DNAH14: variants seen among roughly 807,000 people sequenced by gnomAD.
DNAH14 encodes the protein dynein axonemal heavy chain 14.
A neutral mutation model predicts 520.9 loss-of-function variants in DNAH14; 478 were observed. The observed-to-expected ratio is 0.92, with a 90% confidence interval of 0.85 to 0.99. The LOEUF is 0.99. Among genes scored for constraint, DNAH14 ranks in the 50% least tolerant of loss-of-function variants. The probability of loss-of-function intolerance (pLI) is 0.00; values close to 1 mark genes in which losing one functional copy is unlikely to be tolerated. For synonymous variants in DNAH14, 1,581 were observed against 1,757.2 expected, an observed-to-expected ratio of 0.90 and a Z score of 2.51; for missense variants, 4,831 against 5,234.5, an observed-to-expected ratio of 0.92 and a Z score of 2.38.
intron 60 of DNAH14, among the ~76,000 whole-genome samples, chr1:225,309,796 G>A (rs1195395231): frequency 6.6e-6 from 1 of 152,158 alleles, no homozygotes; most frequent in Non-Finnish European, 1.5e-5. Flanking sequence ...AGGAGGCTGA[G>A]GCAGGACAAT....
At chr1:225,230,099 C>T (rs1268462212) in intron 41 of DNAH14, among the ~76,000 whole-genome samples, 2 of 151,808 alleles carry the variant, frequency 1.3e-5, no homozygotes, top group Non-Finnish European at 2.9e-5. Flanking sequence ...ATCCTTTATT[C>T]TAGGAATTTA....
At chr1:224,974,970 T>C (rs906715690) in intron 8 of DNAH14, among the ~76,000 whole-genome samples, 3 of 152,118 alleles carry the variant, frequency 2.0e-5, no homozygotes, top group African/African-American at 7.2e-5. Context: ...CTTTTCTGCA[T>C]CTATTGAGAT....
intron 81 of DNAH14, among the ~76,000 whole-genome samples, chr1:225,383,955 T>A (rs2095808765): frequency 6.6e-6 from 1 of 152,214 alleles, no homozygotes; most frequent in Non-Finnish European, 1.5e-5. Flanking sequence ...TTTCATTGGT[T>A]TCAAAGAACA....
At chr1:225,139,813 A>G (rs572875084) in intron 27 of DNAH14, among the ~76,000 whole-genome samples, 171 of 152,306 alleles carry the variant, frequency 1.1e-3, no homozygotes, top group African/African-American at 4.0e-3. Context: ...GCATCTGACC[A>G]GACTCTGCCG....
chr1:225,024,289 A>T, intron 11 of DNAH14: 1 of 982,254 alleles, frequency 1.0e-6, no homozygotes. Flanking sequence ...ACAAAGTCCA[A>T]TTGGAATTTG....
chr1:225,139,198 G>A (rs1251433337), intron 27 of DNAH14, among the ~76,000 whole-genome samples: 1 of 152,096 alleles, frequency 6.6e-6, no homozygotes, highest in East Asian at 1.9e-4. Context: ...TACCCAAACT[G>A]TTCTTTACAA....
chr1:225,370,593 C>T (rs547903967), intron 77 of DNAH14, among the ~76,000 whole-genome samples: 1 of 152,016 alleles, frequency 6.6e-6, no homozygotes, highest in African/African-American at 2.4e-5. Context: ...CCAAAAATTA[C>T]AAGACAGAAC....
intron 12 of DNAH14, 54 bp downstream of exon 12, chr1:225,038,877 C>T (rs971764164): frequency 7.2e-7 from 1 of 1,381,674 alleles, no homozygotes; most frequent in Non-Finnish European, 9.5e-7. Context: ...AAAATGAATA[C>T]ATTTTAAAAT....
chr1:225,211,578 C>T (rs189858764), intron 41 of DNAH14, among the ~76,000 whole-genome samples: 2 of 152,042 alleles, frequency 1.3e-5, no homozygotes, highest in African/African-American at 4.8e-5. Context: ...AAACACTCTT[C>T]AAGATATCCA....
At chr1:224,947,289 C>G (rs1033584851) in intron 1 of DNAH14, among the ~76,000 whole-genome samples, 3 of 152,036 alleles carry the variant, frequency 2.0e-5, no homozygotes, top group Non-Finnish European at 4.4e-5. Flanking sequence ...CATTACTATG[C>G]TGCCTCAGTT....
intron 1 of DNAH14, among the ~76,000 whole-genome samples, chr1:224,934,857 AGAAT>A (rs1004121656): frequency 2.0e-5 from 3 of 151,946 alleles, no homozygotes; most frequent in Admixed American, 2.0e-4. Flanking sequence ...AGGCTAGAAA[AGAAT>A]GAATGATATA....
chr1:225,258,653 G>T (rs938252471), intron 45 of DNAH14, among the ~76,000 whole-genome samples: 4 of 152,134 alleles, frequency 2.6e-5, no homozygotes, highest in African/African-American at 9.7e-5. Flanking sequence ...TTAAGGCAAT[G>T]TAACTCTCAG....
At chr1:225,342,683 A>AAC (rs10572962) in intron 69 of DNAH14, among the ~76,000 whole-genome samples, 3,707 of 148,080 alleles carry the variant, frequency 0.025, 66 homozygotes, top group East Asian at 0.037. Context: ...ATTTCTCATA[A>AAC]ACACACACAC....
chr1:225,051,866 CT>C, intron 17 of DNAH14, 71 bp downstream of exon 17: 1 of 1,083,856 alleles, frequency 9.2e-7, no homozygotes, highest in Non-Finnish European at 1.3e-6. Context: ...AAAATATGTA[CT>C]TAGAGAATAT....
intron 41 of DNAH14, among the ~76,000 whole-genome samples, chr1:225,218,488 A>G (rs1007868279): frequency 2.6e-5 from 4 of 152,096 alleles, no homozygotes; most frequent in Middle Eastern, 3.4e-3. Context: ...GAAACCAAAA[A>G]AAAAAAAAGC....
intron 15 of DNAH14, among the ~76,000 whole-genome samples, chr1:225,048,485 T>C (rs531711706): frequency 3.9e-5 from 6 of 152,158 alleles, no homozygotes; most frequent in Non-Finnish European, 8.8e-5. Context: ...TGAGTGACAG[T>C]GCAAGACCCT....
rs568463364 is a variant in DNAH14 at position 225,022,415 on chromosome 1, A to AAAT, written c.1108-1197_1108-1195dup. Reference sequence around the variant, plus strand: ...TTAACACCCCAACAAACAAAAAACCAAATAACTCCACTAAAAAATGGGCAA... The same window carrying AAAT: ...TTAACACCCCAACAAACAAAAAACCAAATAATAACTCCACTAAAAAATGGGCAA... On this transcript the variant is annotated intron_variant, in intron 10 of 85. Coordinates refer to ENST00000682510, the MANE Select transcript of DNAH14 (RefSeq NM_001367479.1). 7.4e-4 allele frequency among the ~76,000 whole-genome samples: 113 copies of AAAT among 152,182 alleles called. 1 individual carries two copies. The highest frequency in any genetic ancestry group is 2.7e-3 in the African/African-American group (111 of 41,490).
intron 23 of DNAH14, among the ~76,000 whole-genome samples, chr1:225,105,499 CATT>C (rs1479995597): frequency 2.0e-5 from 3 of 152,130 alleles, no homozygotes; most frequent in African/African-American, 4.8e-5. Flanking sequence ...TAAAGTCTCC[CATT>C]ATTATTGTGT....
Position 225,346,041 on chromosome 1 carries a change from C to A in DNAH14, c.10758C>A (p.Ile3586=). Residue 3586 remains isoleucine (I), a synonymous_variant, in exon 70 of 86, where the codon ATC becomes ATA. Coordinates refer to ENST00000682510, the MANE Select transcript of DNAH14 (RefSeq NM_001367479.1). ...CATCAAACGAAATTTCAAAGCGCAT[C>A]GAAGCAACAAAAAAAGCTGAAAGTG... is the stretch of plus-strand genomic sequence containing the variant. ...KMTSNEISKR[I]EATKKAESEI... 4 of 1,551,528 alleles carry A rather than the reference C, an allele frequency of 2.6e-6. No individual in the cohort carries two copies. The highest frequency in any genetic ancestry group is 2.6e-6 in the Non-Finnish European group (3 of 1,146,968).
Sources: gnomAD v4.1 joint callset for allele counts (sites outside exome capture counted in the v4.1 genomes callset) on GRCh38, gnomAD v4.1.1 for gene constraint, MANE v1.5 for transcripts, NCBI Gene and HGNC (gene_info 2026-07-23, HGNC 2026-07-21) for gene names.